Variants in FAM178B observed in about 807,000 individuals in gnomAD.
The protein encoded by FAM178B is family with sequence similarity 178 member B.
In FAM178B, 82 loss-of-function variants were observed where a neutral mutation model predicts 91.7. The observed-to-expected ratio is 0.89, with a 90% CI of 0.75 to 1.07. The LOEUF (loss-of-function observed/expected upper bound fraction) is 1.07. Ranked by LOEUF, FAM178B falls within the 50% of genes least tolerant of loss-of-function variation. The pLI is 0.00. For synonymous variants in FAM178B, 368 were observed against 359.4 expected, an observed-to-expected ratio of 1.02 and a Z score of -0.27; for missense variants, 769 against 846.7, an observed-to-expected ratio of 0.91 and a Z score of 1.14.
intron 1 of FAM178B, among the ~76,000 whole-genome samples, chr2:96,977,380 G>A (rs1730111): frequency 0.8 from 103,004 of 129,002 alleles, 41,747 homozygotes; most frequent in Non-Finnish European, 0.88. Flanking sequence ...GCGAGACTCC[G>A]TCTCAAAAAA....
intron 7 of FAM178B, chr2:96,949,925 T>C: frequency 1.0e-6 from 1 of 959,048 alleles, no homozygotes; most frequent in Non-Finnish European, 1.2e-6. Flanking sequence ...AAGAAACCTG[T>C]CTGTAGCGAC....
intron 8 of FAM178B, among the ~76,000 whole-genome samples, chr2:96,930,960 T>A (rs1289029794): frequency 6.6e-6 from 1 of 152,214 alleles, no homozygotes; most frequent in Non-Finnish European, 1.5e-5. Context: ...AATTTGCTGG[T>A]ACCTTGATCT....
At chr2:96,926,481 C>T (rs1341988455) in intron 9 of FAM178B, among the ~76,000 whole-genome samples, 3 of 152,184 alleles carry the variant, frequency 2.0e-5, no homozygotes, top group African/African-American at 4.8e-5. Context: ...CTCCTTTGTG[C>T]TCCTGGGGGA....
rs539874440 is a variant in FAM178B, at chr2:96,876,361, C to T, written c.2008-53G>A. The T allele has an allele frequency of 7.0e-5, 109 of 1,566,184 alleles. 2 individuals carry two copies. Among genetic ancestry groups the T allele is most frequent in the Non-Finnish European group, 9.2e-5 (107 of 1,156,794 alleles). On this transcript the variant is annotated intron_variant, in intron 16 of 16. Coordinates refer to ENST00000490605, the MANE Select transcript of FAM178B (RefSeq NM_001122646.3). ...AGGGCCTGGGCCCAGGTGCTGCCCA[C>T]TGCCCTGCAGCTCCCCGGGCTGGCG...
rs187330687 is a variant in FAM178B, at chr2:96,917,781, A to G, written c.1562+3384T>C. On this transcript the variant is annotated intron_variant, in intron 12 of 16. Coordinates refer to ENST00000490605, the MANE Select transcript of FAM178B (RefSeq NM_001122646.3). ...TGAGGCAGGAGGATTACTTGATCCC[A>G]AGAGGTCGAGGCTGCAGTGAGCCAT... 1.1e-4 allele frequency among the ~76,000 whole-genome samples: 17 copies of G among 152,270 alleles called. No individual in the cohort carries two copies. The East Asian group carries it at 3.1e-3, about 28-fold the overall frequency.
At position 96,878,139 on chromosome 2, in the gene FAM178B, C is replaced by A. The variant is rs1472642192; in HGVS notation, c.1855-97G>T. 3.8e-6 allele frequency: 5 copies of A among 1,323,550 alleles called. No homozygotes were observed. The East Asian group carries it at 9.2e-5, about 24-fold the overall frequency. The allele number at this position is 1,323,550 out of a possible 1,614,324, so 82.0% of individuals were successfully genotyped here. On this transcript the variant is annotated intron_variant, in intron 15 of 16. Transcript: ENST00000490605. Reference sequence around the variant, plus strand: ...GAACAAATTCAGAGAAAGGAAGGGGCACATTTGAGTGACTGTTCAGAAGTT... The same window carrying A: ...GAACAAATTCAGAGAAAGGAAGGGGAACATTTGAGTGACTGTTCAGAAGTT...
intron 5 of FAM178B, among the ~76,000 whole-genome samples, chr2:96,965,979 G>A (rs2082137738): frequency 6.6e-6 from 1 of 151,852 alleles, no homozygotes; most frequent in South Asian, 2.1e-4. Context: ...TCCTGCCAAG[G>A]CCTCCTCTGC....
chr2:96,961,067 C>G (rs2082073931), intron 5 of FAM178B, among the ~76,000 whole-genome samples: 1 of 151,920 alleles, frequency 6.6e-6, no homozygotes, highest in Admixed American at 6.6e-5. Context: ...TGGGCCCGGT[C>G]CGGCCCAGAG....
chr2:96,900,010 A>G (rs1483016530), intron 13 of FAM178B, among the ~76,000 whole-genome samples: 4 of 151,144 alleles, frequency 2.6e-5, no homozygotes, highest in African/African-American at 9.7e-5. Flanking sequence ...TCTGACCTCC[A>G]CCAGGAAGGC....
intron 13 of FAM178B, among the ~76,000 whole-genome samples, chr2:96,901,975 T>C (rs1574218733): frequency 6.6e-6 from 1 of 152,142 alleles, no homozygotes; most frequent in East Asian, 1.9e-4. Context: ...TTTTTGTATT[T>C]TTAGTAGAGA....
At chr2:96,897,875 C>G (rs568549381) in intron 13 of FAM178B, 1 of 831,172 alleles carries the variant, frequency 1.2e-6, no homozygotes, top group Non-Finnish European at 1.5e-6. Flanking sequence ...AAACCCTCAC[C>G]GTAGCCTTGA....
intron 8 of FAM178B, among the ~76,000 whole-genome samples, chr2:96,936,482 G>A (rs1414761636): frequency 2.0e-5 from 3 of 149,288 alleles, no homozygotes; most frequent in South Asian, 2.1e-4. Context: ...TTACAGGCGT[G>A]AGCCACCACG....
intron 6 of FAM178B, among the ~76,000 whole-genome samples, chr2:96,956,145 G>A (rs904914371): frequency 3.9e-5 from 6 of 152,170 alleles, no homozygotes; most frequent in Non-Finnish European, 8.8e-5. Context: ...TCCAACTTCC[G>A]CCCCCGAGTG....
intron 4 of FAM178B, among the ~76,000 whole-genome samples, 164 bp downstream of exon 4, chr2:96,970,552 A>AC (rs927600343): frequency 7.9e-5 from 12 of 151,920 alleles, no homozygotes; most frequent in Admixed American, 6.6e-4. Flanking sequence ...TGGTGATGCC[A>AC]CCCCCTGCCC....
intron 9 of FAM178B, among the ~76,000 whole-genome samples, chr2:96,924,790 T>C (rs1197990948): frequency 1.3e-5 from 2 of 152,196 alleles, no homozygotes; most frequent in African/African-American, 2.4e-5. Context: ...GTGAAGATAT[T>C]GATGACAACC....
At position 96,971,055 on chromosome 2, in the gene FAM178B, C is replaced by G. The variant is rs548101190; in HGVS notation, c.565-278G>C. On this transcript the variant is annotated intron_variant, in intron 3 of 16. Transcript: ENST00000490605. ...AGACACTTCACACAGAGACAGCAAACAACACCACATCACAGGCGCCAGCAC... is the reference window on the plus strand; with the variant it reads ...AGACACTTCACACAGAGACAGCAAAGAACACCACATCACAGGCGCCAGCAC... Among the ~76,000 whole-genome samples the G allele has an allele frequency of 1.3e-5, 2 of 152,038 alleles. 1 individual carries two copies. Among genetic ancestry groups the G allele is most frequent in the South Asian group, 4.2e-4 (2 of 4,804 alleles).
chr2:96,904,215 A>G (rs2080987418), intron 12 of FAM178B, among the ~76,000 whole-genome samples: 1 of 152,242 alleles, frequency 6.6e-6, no homozygotes, highest in Non-Finnish European at 1.5e-5. Flanking sequence ...CAGCAACAGC[A>G]CAGTGGACAG....
intron 8 of FAM178B, among the ~76,000 whole-genome samples, chr2:96,946,669 C>T (rs2081834235): frequency 3.3e-5 from 5 of 152,396 alleles, no homozygotes; most frequent in Admixed American, 3.3e-4. Flanking sequence ...GAGAGTGGGG[C>T]ATCCCCTCTG....
At chr2:96,949,793 C>CA (rs1408205967) in intron 7 of FAM178B, among the ~76,000 whole-genome samples, 1 of 152,240 alleles carries the variant, frequency 6.6e-6, no homozygotes, top group African/African-American at 2.4e-5. Context: ...GCGTGCCTCA[C>CA]AGAGGACACC....
Sources: allele counts gnomAD v4.1 joint callset (sites outside exome capture counted in the v4.1 genomes callset), GRCh38; gene constraint gnomAD v4.1.1; transcripts MANE v1.5; gene names NCBI Gene and HGNC (gene_info 2026-07-23, HGNC 2026-07-21).